SF3B1: variants seen among roughly 807,000 people sequenced by gnomAD.
The protein encoded by SF3B1 is splicing factor 3b subunit 1.
In SF3B1, 12 loss-of-function variants were observed where a neutral mutation model predicts 153.8. The observed-to-expected ratio is 0.08, with a 90% CI of 0.05 to 0.13. The LOEUF is 0.13. Ranked by LOEUF, SF3B1 falls within the 10% of genes least tolerant of loss-of-function variation. The probability of loss-of-function intolerance (pLI) is 1.00; values close to 1 mark genes in which losing one functional copy is unlikely to be tolerated. For missense variants in SF3B1, 513 were observed against 1,606.1 expected, an observed-to-expected ratio of 0.32 and a Z score of 11.63; for synonymous variants, 498 against 525.2, an observed-to-expected ratio of 0.95 and a Z score of 0.71.
intron 23 of SF3B1, chr2:197,393,481 C>A (rs919815264): frequency 2.1e-5 from 7 of 337,934 alleles, no homozygotes; most frequent in South Asian, 1.6e-4. Context: ...GAGACGGAGT[C>A]TTACTCTGTC....
intron 1 of SF3B1, 81 bp downstream of exon 1, chr2:197,434,891 G>A (rs1360368231): frequency 2.0e-6 from 3 of 1,478,326 alleles, no homozygotes; most frequent in Non-Finnish European, 2.8e-6. Context: ...AGAAACCATA[G>A]AAAAAGGCAG....
Position 197,401,689 on chromosome 2 carries a change from T to C in SF3B1, c.2370+53A>G, listed in dbSNP as rs772785343. ...GATTTTTAAAAACACTTTAAAATTCTGTTAGAACCATGAAACATATCCAGT... is the reference window on the plus strand; with the variant it reads ...GATTTTTAAAAACACTTTAAAATTCCGTTAGAACCATGAAACATATCCAGT... On this transcript the variant is annotated intron_variant, in intron 16 of 24. Coordinates refer to ENST00000335508, the MANE Select transcript of SF3B1 (RefSeq NM_012433.4). This position sits in a 1 kb window ranked among gnomAD's most constrained non-coding sequence, Gnocchi z 4.2. 4.5e-6 allele frequency: 7 copies of C among 1,549,890 alleles called. No homozygotes were observed. The Admixed American group carries it at 1.0e-4, about 22-fold the overall frequency.
intron 4 of SF3B1, chr2:197,419,495 C>T (rs2085207218): frequency 4.6e-6 from 1 of 219,462 alleles, no homozygotes; most frequent in African/African-American, 2.2e-5. Context: ...ATTTCCTATG[C>T]TGAAGATCAT....
In SF3B1 at chr2:197,423,988, A is replaced by T. The variant is rs2085289666; in HGVS notation, c.29-14T>A. ...GTGCTTCAATATCTATAAAAAGATA[A>T]CACAGACTTTCTTAATTTCACTTTC... On this transcript the variant is annotated splice_polypyrimidine_tract_variant and intron_variant, in intron 1 of 24. Transcript: ENST00000335508. 1 of 1,592,318 alleles carries T rather than the reference A, an allele frequency of 6.3e-7. No individual in the cohort carries two copies. The highest frequency in any genetic ancestry group is 1.2e-5 in the South Asian group (1 of 86,230).
Position 197,400,152 on chromosome 2 carries a change from T to A in SF3B1, c.2916A>T (p.Gly972=). 3 of 1,612,794 alleles carry A rather than the reference T, an allele frequency of 1.9e-6. No homozygotes were observed. In the African/African-American group the frequency reaches 4.0e-5, roughly 22 times the overall value. The change falls in exon 20 of 25, where the codon GGA becomes GGT. Residue 972 remains glycine, a synonymous_variant. Coordinates refer to ENST00000335508, the MANE Select transcript of SF3B1 (RefSeq NM_012433.4). The surrounding 1 kb of genome is among the most constrained non-coding windows in gnomAD (Gnocchi z 5.0). Reference sequence around the variant, plus strand: ...ACTCATACAATACAACACCCAAGTGTCCCATCAATTTTTCCTATAATAAAA... The same window carrying A: ...ACTCATACAATACAACACCCAAGTGACCCATCAATTTTTCCTATAATAAAA... ...MKTCQEEKLM[G]HLGVVLYEYL... is the part of the protein sequence containing the mutation.
Position 197,402,394 on chromosome 2 carries a change from T to C in SF3B1, c.2077+162A>G. ...CCCAAATTTTAGGACAGCTGTCCTA[T>C]TAAACATGGACAGGCTGTGTGTGTA... On this transcript the variant is annotated intron_variant, in intron 14 of 24. Transcript: ENST00000335508. The surrounding 1 kb of genome is among the most constrained non-coding windows in gnomAD (Gnocchi z 4.6). 2.8e-6 allele frequency: 2 copies of C among 711,660 alleles called. No individual in the cohort carries two copies. Among genetic ancestry groups the C allele is most frequent in the East Asian group, 2.7e-5 (1 of 36,982 alleles). 44.1% of individuals were successfully genotyped at this position (711,660 alleles called of 1,614,324 possible). A position where few individuals can be genotyped will look rare whatever the true frequency, so the allele number is the denominator to read the frequency against.
At chr2:197,393,423 G>A in intron 23 of SF3B1, 1 of 518,410 alleles carries the variant, frequency 1.9e-6, no homozygotes, top group Non-Finnish European at 3.4e-6. Flanking sequence ...GATTCACTAT[G>A]GCTCAACAAT....
chr2:197,399,176 C>A (rs1203287600), intron 20 of SF3B1: 5 of 998,682 alleles, frequency 5.0e-6, no homozygotes, highest in Non-Finnish European at 5.2e-6. Context: ...CAAACCAGAG[C>A]CCTACAAGTG....
chr2:197,409,327 G>A (rs1391710685), intron 7 of SF3B1, among the ~76,000 whole-genome samples: 1 of 152,122 alleles, frequency 6.6e-6, no homozygotes, highest in East Asian at 1.9e-4. Context: ...CTGAATCCGG[G>A]AGGTGGAGGT....
rs542970166 is a variant in SF3B1 at position 197,394,709 on chromosome 2, T to C, written c.3539+1347A>G. Among the ~76,000 whole-genome samples, 545 of 152,136 alleles carry C rather than the reference T, an allele frequency of 3.6e-3. 3 individuals carry two copies. Among genetic ancestry groups the C allele is most frequent in the South Asian group, 0.012 (60 of 4,822 alleles). On this transcript the variant is annotated intron_variant, in intron 23 of 24. Transcript: ENST00000335508. ...TCACGAGGTCAGGAGATGGAGACCA[T>C]CCTGGCTAACACGGTGAAACCCTAT...
chr2:197,418,733 A>G (rs2085194399), intron 4 of SF3B1, 145 bp from the exon 5 acceptor site: 1 of 1,451,294 alleles, frequency 6.9e-7, no homozygotes, highest in African/African-American at 1.4e-5. Flanking sequence ...ATAATTATAC[A>G]TCTTACTTTT....
rs762769364 is a variant in SF3B1 at position 197,401,709 on chromosome 2, T to C, written c.2370+33A>G. The C allele has an allele frequency of 3.8e-6, 6 of 1,589,772 alleles. No homozygotes were observed. In the South Asian group the frequency reaches 4.6e-5, roughly 12 times the overall value. On this transcript the variant is annotated intron_variant, in intron 16 of 24. Transcript: ENST00000335508. The surrounding 1 kb of genome is among the most constrained non-coding windows in gnomAD (Gnocchi z 4.2). ...AATTCTGTTAGAACCATGAAACATATCCAGTTTACATTAACAAATCTGGAA... is the reference window on the plus strand; with the variant it reads ...AATTCTGTTAGAACCATGAAACATACCCAGTTTACATTAACAAATCTGGAA...
intron 1 of SF3B1, among the ~76,000 whole-genome samples, chr2:197,424,506 A>C (rs1023615380): frequency 1.2e-4 from 18 of 152,112 alleles, no homozygotes; most frequent in Non-Finnish European, 2.4e-4. Context: ...AAAAAAAAAA[A>C]AAAACCGTGA....
intron 2 of SF3B1, among the ~76,000 whole-genome samples, chr2:197,422,400 T>G (rs972602521): frequency 4.6e-5 from 7 of 151,672 alleles, no homozygotes; most frequent in African/African-American, 1.7e-4. Context: ...ACACCGGGGC[T>G]TGTCATGGGG....
At chr2:197,435,080 G>A (rs959426288), upstream of SF3B1, 11 of 1,608,578 alleles carry the variant, frequency 6.8e-6, no homozygotes, top group South Asian at 9.9e-5. Context: ...AAAAATAGCT[G>A]GGGGCTGCAC....
At chr2:197,413,097 G>T (rs1254811505) in intron 6 of SF3B1, among the ~76,000 whole-genome samples, 2 of 150,918 alleles carry the variant, frequency 1.3e-5, no homozygotes. Context: ...GTCATCCATA[G>T]AATTAAAGTT....
At chr2:197,433,674 G>T (rs1029389411) in intron 1 of SF3B1, among the ~76,000 whole-genome samples, 1 of 152,172 alleles carries the variant, frequency 6.6e-6, no homozygotes, top group Admixed American at 6.5e-5. Context: ...GGTCCTCTGG[G>T]TGACCCAACT....
intron 12 of SF3B1, 45 bp from the exon 13 acceptor site, chr2:197,403,080 C>G: frequency 7.6e-7 from 1 of 1,321,384 alleles, no homozygotes; most frequent in Non-Finnish European, 1.1e-6. Context: ...ACATCAATTA[C>G]TGATGAAATG....
intron 1 of SF3B1, among the ~76,000 whole-genome samples, chr2:197,429,828 A>C (rs2085399127): frequency 6.6e-6 from 1 of 152,140 alleles, no homozygotes; most frequent in Non-Finnish European, 1.5e-5. Context: ...GCACAATCTA[A>C]ACCTGAAGTA....
Sources: gnomAD v4.1 joint callset for allele counts (sites outside exome capture counted in the v4.1 genomes callset) on GRCh38, gnomAD v4.1.1 for gene constraint, Gnocchi (gnomAD v3.1) non-coding constraint, MANE v1.5 for transcripts, NCBI Gene and HGNC (gene_info 2026-07-23, HGNC 2026-07-21) for gene names.